PPIH: variants seen among roughly 807,000 people sequenced by gnomAD.
The protein encoded by PPIH is peptidyl-prolyl cis-trans isomerase H.
Under a neutral mutation model 27.6 loss-of-function variants are expected in PPIH, and 16 were observed. That is an observed-to-expected ratio of 0.58 (90% confidence interval 0.39 to 0.88). The LOEUF (loss-of-function observed/expected upper bound fraction) is 0.88, where lower values mean the gene tolerates loss of function less well. Ranked by LOEUF, PPIH falls within the 40% of genes least tolerant of loss-of-function variation. The pLI, the probability that PPIH is intolerant of heterozygous loss-of-function variation, is 0.00. For synonymous variants in PPIH, 63 were observed against 76.1 expected (o/e 0.83, Z 0.90); for missense variants, 155 against 224.1 (o/e 0.69, Z 1.97).
intron 9 of PPIH, among the ~76,000 whole-genome samples, chr1:42,672,984 T>G (rs1315223878): frequency 6.6e-6 from 1 of 151,204 alleles, no homozygotes; most frequent in Non-Finnish European, 1.5e-5. Flanking sequence ...TGGTTTTATC[T>G]CAGTGAGTTC....
chr1:42,659,044 C>A (rs1184768789), intron 2 of PPIH, 136 bp downstream of exon 2: 4 of 1,317,954 alleles, frequency 3.0e-6, no homozygotes, highest in African/African-American at 2.9e-5. Flanking sequence ...ATTGCTCTGT[C>A]TGGTTGCCGT....
intron 9 of PPIH, among the ~76,000 whole-genome samples, chr1:42,671,906 C>T (rs1360256087): frequency 7.5e-5 from 11 of 146,066 alleles, no homozygotes; most frequent in East Asian, 2.0e-4. Flanking sequence ...TTTTTCGAGA[C>T]GGAGTCTTGC....
chr1:42,664,996 G>A, intron 6 of PPIH, 41 bp downstream of exon 6: 6 of 1,559,674 alleles, frequency 3.8e-6, no homozygotes, highest in Non-Finnish European at 5.3e-6. Context: ...ATAGCCAGCT[G>A]GTTCCTGGGC....
In PPIH at chr1:42,664,874, T is replaced by C. The variant is rs1400122688; in HGVS notation, c.255T>C (p.Thr85=). Residue 85 remains threonine, a synonymous_variant, in exon 6 of 10, where the codon ACT becomes ACC. Coordinates refer to ENST00000304979, the MANE Select transcript of PPIH (RefSeq NM_006347.4). ...QGGDFVNGDG[T]GVASIYRGPF... Reference sequence around the variant, plus strand: ...TTCTCTCTGCTCAGGGAGATGGTACTGGAGTCGCCAGTATTTACCGGGGGC... The same window carrying C: ...TTCTCTCTGCTCAGGGAGATGGTACCGGAGTCGCCAGTATTTACCGGGGGC... 1.1e-5 allele frequency: 17 copies of C among 1,613,142 alleles called. No individual in the cohort carries two copies. Among genetic ancestry groups the C allele is most frequent in the Non-Finnish European group, 1.4e-5 (16 of 1,179,666 alleles).
chr1:42,667,938 A>G (rs976473189), intron 9 of PPIH, among the ~76,000 whole-genome samples: 11 of 152,248 alleles, frequency 7.2e-5, no homozygotes, highest in Non-Finnish European at 1.3e-4. Flanking sequence ...TGCATCTTCC[A>G]GCCTACATGG....
At chr1:42,680,358 T>A (rs1231570182), downstream of PPIH, among the ~76,000 whole-genome samples, 1 of 152,202 alleles carries the variant, frequency 6.6e-6, no homozygotes, top group Non-Finnish European at 1.5e-5. Context: ...TTTTAACCAA[T>A]TTCTATTTTC....
Sources: gnomAD v4.1 joint callset for allele counts (sites outside exome capture counted in the v4.1 genomes callset) on GRCh38, gnomAD v4.1.1 for gene constraint, MANE v1.5 for transcripts, NCBI Gene and HGNC (gene_info 2026-07-23, HGNC 2026-07-21) for gene names.